EXOC6B: variants seen among roughly 807,000 people sequenced by gnomAD.
The protein encoded by EXOC6B is SEC15 homolog B.
A neutral mutation model predicts 113.5 loss-of-function variants in EXOC6B; 54 were observed. The ratio of observed to expected loss-of-function variants is 0.48; its 90% CI spans 0.38 to 0.60. The LOEUF (loss-of-function observed/expected upper bound fraction) is 0.60, where lower values mean the gene tolerates loss of function less well. Among genes scored for constraint, EXOC6B ranks in the 20% least tolerant of loss-of-function variants. The pLI, the probability that EXOC6B is intolerant of heterozygous loss-of-function variation, is 0.00. For synonymous variants in EXOC6B, 357 were observed against 339.0 expected, an observed-to-expected ratio of 1.05 and a Z score of -0.58; for missense variants, 797 against 977.5, an observed-to-expected ratio of 0.82 and a Z score of 2.46.
chr2:72,620,801 A>C (rs1446254766), intron 6 of EXOC6B, among the ~76,000 whole-genome samples: 1 of 152,116 alleles, frequency 6.6e-6, no homozygotes, highest in Non-Finnish European at 1.5e-5. Context: ...AACTCAAATC[A>C]ACAAGCAAAA....
intron 18 of EXOC6B, among the ~76,000 whole-genome samples, chr2:72,431,025 C>A (rs1392357297): frequency 1.3e-5 from 2 of 152,118 alleles, no homozygotes; most frequent in Admixed American, 6.5e-5. Flanking sequence ...AATGGGGATG[C>A]TAAAAAGCTA....
chr2:72,718,944 T>C (rs1373367309), intron 5 of EXOC6B, among the ~76,000 whole-genome samples: 4 of 152,352 alleles, frequency 2.6e-5, no homozygotes, highest in African/African-American at 9.6e-5. Flanking sequence ...CTTCCAACTA[T>C]GGCACACAGA....
At chr2:72,409,091 A>G (rs960373960) in intron 18 of EXOC6B, among the ~76,000 whole-genome samples, 4 of 152,244 alleles carry the variant, frequency 2.6e-5, no homozygotes, top group Non-Finnish European at 5.9e-5. Flanking sequence ...GAAGACATTT[A>G]TGCAGCCAAA....
At chr2:72,283,006 TAAAAAATCATTAGAG>T in intron 20 of EXOC6B, among the ~76,000 whole-genome samples, 1 of 152,156 alleles carries the variant, frequency 6.6e-6, no homozygotes, top group South Asian at 2.1e-4. Context: ...AGAACAAAAC[TAAAAAATCATTAGAG>T]ATATAGAATA....
At chr2:72,319,814 C>T (rs1687743831) in intron 20 of EXOC6B, among the ~76,000 whole-genome samples, 1 of 151,590 alleles carries the variant, frequency 6.6e-6, no homozygotes, top group Non-Finnish European at 1.5e-5. Flanking sequence ...CTGAATTCAA[C>T]ATAATCCTAA....
chr2:72,356,098 T>G (rs1689960569), intron 19 of EXOC6B, among the ~76,000 whole-genome samples: 2 of 152,260 alleles, frequency 1.3e-5, no homozygotes. Flanking sequence ...GAAATGGTGC[T>G]GTTTGCTACA....
intron 19 of EXOC6B, among the ~76,000 whole-genome samples, chr2:72,376,638 T>C (rs1349054293): frequency 6.6e-6 from 1 of 152,178 alleles, no homozygotes; most frequent in African/African-American, 2.4e-5. Context: ...AACCCAGTTA[T>C]GTATTAGGTC....
In EXOC6B at chr2:72,367,268, A is replaced by G. The variant is rs531534039; in HGVS notation, c.2122+12461T>C. On this transcript the variant is annotated intron_variant, in intron 19 of 21. Coordinates refer to ENST00000272427, the MANE Select transcript of EXOC6B (RefSeq NM_015189.3). ...GATGTATATTGTAAATCCAGGAACA[A>G]TAACTAAAATATACAACAGAGTCTG... Among the ~76,000 whole-genome samples the G allele has an allele frequency of 1.3e-4, 20 of 152,304 alleles. 1 individual carries two copies. Among genetic ancestry groups the G allele is most frequent in the African/African-American group, 4.6e-4 (19 of 41,576 alleles).
intron 6 of EXOC6B, among the ~76,000 whole-genome samples, chr2:72,586,112 G>C (rs1705552420): frequency 6.6e-6 from 1 of 152,100 alleles, no homozygotes; most frequent in African/African-American, 2.4e-5. Context: ...ATGGATTAAA[G>C]ATTTCAATGG....
intron 19 of EXOC6B, among the ~76,000 whole-genome samples, chr2:72,368,726 A>G (rs1000097531): frequency 7.9e-5 from 12 of 152,202 alleles, no homozygotes; most frequent in African/African-American, 2.7e-4. Flanking sequence ...AAATCAATAA[A>G]CATAATCCAG....
intron 19 of EXOC6B, among the ~76,000 whole-genome samples, chr2:72,367,776 T>A (rs533290471): frequency 6.6e-6 from 1 of 152,270 alleles, no homozygotes; most frequent in South Asian, 2.1e-4. Flanking sequence ...AACTCAGTGC[T>A]GCCCTGTCAT....
intron 18 of EXOC6B, among the ~76,000 whole-genome samples, chr2:72,389,361 A>G (rs1031802664): frequency 2.0e-5 from 3 of 152,114 alleles, no homozygotes; most frequent in South Asian, 2.1e-4. Flanking sequence ...TTATTTTCAC[A>G]TATTTTACTT....
chr2:72,550,744 A>G (rs1703163202), intron 8 of EXOC6B, among the ~76,000 whole-genome samples: 1 of 152,162 alleles, frequency 6.6e-6, no homozygotes, highest in Non-Finnish European at 1.5e-5. Context: ...TGGTCATCGT[A>G]CAATTAAGAA....
At chr2:72,730,377 A>C (rs1680558428) in intron 5 of EXOC6B, among the ~76,000 whole-genome samples, 1 of 152,164 alleles carries the variant, frequency 6.6e-6, no homozygotes, top group South Asian at 2.1e-4. Flanking sequence ...GAAAACCTTA[A>C]TAGGAAAAAG....
chr2:72,685,257 A>C (rs1677003533), intron 6 of EXOC6B, among the ~76,000 whole-genome samples: 2 of 152,180 alleles, frequency 1.3e-5, no homozygotes, highest in South Asian at 4.2e-4. Context: ...TGTTAAGAAA[A>C]AAAAAGTAAA....
chr2:72,605,117 T>C (rs1670668661), intron 6 of EXOC6B, among the ~76,000 whole-genome samples: 1 of 151,936 alleles, frequency 6.6e-6, no homozygotes, highest in Non-Finnish European at 1.5e-5. Flanking sequence ...ACCCTGTCTC[T>C]ACTAAAAATA....
intron 20 of EXOC6B, among the ~76,000 whole-genome samples, chr2:72,309,637 C>A (rs1687077113): frequency 6.6e-6 from 1 of 152,140 alleles, no homozygotes; most frequent in African/African-American, 2.4e-5. Flanking sequence ...TATTCCTTAC[C>A]ATTTCCTGAT....
intron 20 of EXOC6B, among the ~76,000 whole-genome samples, chr2:72,232,884 CA>C (rs1164030809): frequency 5.3e-5 from 8 of 151,946 alleles, no homozygotes; most frequent in Admixed American, 2.6e-4. Context: ...CCAGCCTGTG[CA>C]ACATGGTGAA....
At position 72,564,430 on chromosome 2, in the gene EXOC6B, G is replaced by A. The variant is rs115996818; in HGVS notation, c.847-4909C>T. Among the ~76,000 whole-genome samples, 680 of 152,256 alleles carry A rather than the reference G, an allele frequency of 4.5e-3. 8 individuals are homozygous for A. Among genetic ancestry groups the A allele is most frequent in the African/African-American group, 0.015 (604 of 41,562 alleles). The stretch of plus-strand genomic sequence containing the variant: ...GAGTACAAAATAGTTTCTCCGTATC[G>A]GTAAATGAATGCAGGGACTTGGTGC... On this transcript the variant is annotated intron_variant, in intron 7 of 21. Transcript: ENST00000272427.
Sources: gnomAD v4.1 joint callset for allele counts (sites outside exome capture counted in the v4.1 genomes callset) on GRCh38, gnomAD v4.1.1 for gene constraint, MANE v1.5 for transcripts, NCBI Gene and HGNC (gene_info 2026-07-23, HGNC 2026-07-21) for gene names.